The following ADCK1 variants were observed in gnomAD, a reference collection of about 807,000 sequenced individuals.
ADCK1 encodes the protein aarF domain containing kinase 1.
A neutral mutation model predicts 52.3 loss-of-function variants in ADCK1; 41 were observed. The ratio of observed to expected loss-of-function variants is 0.78; its 90% CI spans 0.61 to 1.02. The LOEUF (loss-of-function observed/expected upper bound fraction) is 1.02. ADCK1 is among the 50% of genes least tolerant of loss of function. The pLI, the probability that ADCK1 is intolerant of heterozygous loss-of-function variation, is 0.00. For missense variants in ADCK1, 658 were observed against 679.5 expected, an observed-to-expected ratio of 0.97 and a Z score of 0.35; for synonymous variants, 250 against 274.6, an observed-to-expected ratio of 0.91 and a Z score of 0.89.
chr14:77,922,708 C>G (rs535193039), intron 7 of ADCK1, among the ~76,000 whole-genome samples: 1 of 152,138 alleles, frequency 6.6e-6, no homozygotes, highest in Non-Finnish European at 1.5e-5. Flanking sequence ...AATCTTGGCT[C>G]GACCCTTTTC....
Position 77,933,598 on chromosome 14 carries a change from C to G in ADCK1, c.*207C>G, listed in dbSNP as rs959281681. ...CCACAAGCTGAACTGTGGCATAGCT[C>G]TCTCTTCTTCTCCAAGAAGACTCAG... is the stretch of plus-strand genomic sequence containing the variant. On this transcript the variant is annotated 3_prime_UTR_variant, in exon 11 of 11. Coordinates refer to ENST00000238561, the MANE Select transcript of ADCK1 (RefSeq NM_020421.4). 25 of 562,894 alleles carry G rather than the reference C, an allele frequency of 4.4e-5. No homozygotes were observed. The highest frequency in any genetic ancestry group is 6.8e-5 in the Non-Finnish European group (22 of 322,134). The allele number at this position is 562,894 out of a possible 1,614,324, so 34.9% of individuals were successfully genotyped here. A position where few individuals can be genotyped will look rare whatever the true frequency, so the allele number is the denominator to read the frequency against.
At chr14:77,844,635 CAG>C (rs1373862108) in intron 3 of ADCK1, among the ~76,000 whole-genome samples, 4 of 151,980 alleles carry the variant, frequency 2.6e-5, no homozygotes, top group African/African-American at 9.7e-5. Context: ...TTCATTGGGA[CAG>C]GGGAGAAAAT....
intron 3 of ADCK1, among the ~76,000 whole-genome samples, chr14:77,838,567 T>A (rs577432493): frequency 1.3e-5 from 2 of 152,202 alleles, no homozygotes; most frequent in African/African-American, 4.8e-5. Flanking sequence ...TGGCTAATTT[T>A]TTGTATTTGT....
chr14:77,811,547 C>T (rs897823950), intron 1 of ADCK1, among the ~76,000 whole-genome samples: 4 of 152,170 alleles, frequency 2.6e-5, no homozygotes, highest in African/African-American at 7.2e-5. Context: ...GGCTCAACGC[C>T]TGTAATCCCA....
chr14:77,898,687 C>A (rs1187000731), intron 5 of ADCK1, among the ~76,000 whole-genome samples: 1 of 152,158 alleles, frequency 6.6e-6, no homozygotes, highest in Admixed American at 6.5e-5. Context: ...AGAGCTAATG[C>A]ATGCCAGGCT....
At chr14:77,817,914 T>A (rs1317881573) in intron 1 of ADCK1, among the ~76,000 whole-genome samples, 3 of 151,206 alleles carry the variant, frequency 2.0e-5, no homozygotes, top group South Asian at 2.1e-4. Context: ...TTTTTGTTTT[T>A]TTTTTAGTAG....
chr14:77,855,012 C>T (rs1254196822), intron 3 of ADCK1, among the ~76,000 whole-genome samples: 1 of 152,220 alleles, frequency 6.6e-6, no homozygotes, highest in Non-Finnish European at 1.5e-5. Context: ...TGCCAACTAA[C>T]CAGTCCTAAT....
At chr14:77,836,234 G>A (rs185326771) in intron 3 of ADCK1, among the ~76,000 whole-genome samples, 82 of 152,282 alleles carry the variant, frequency 5.4e-4, no homozygotes, top group Non-Finnish European at 9.4e-4. Flanking sequence ...TGCCAGATGC[G>A]GGTCTCTTGG....
At position 77,925,806 on chromosome 14, in the gene ADCK1, C is replaced by G; in HGVS notation, c.1051C>G (p.Gln351Glu). The G allele has an allele frequency of 6.2e-7, 1 of 1,614,222 alleles. No individual in the cohort carries two copies. The highest frequency in any genetic ancestry group is 8.5e-7 in the Non-Finnish European group (1 of 1,180,018). The change falls in exon 9 of 11, where the codon CAG (glutamine) becomes GAG (glutamate). Residue 351 changes from glutamine to glutamate, a missense_variant. Physicochemically the swap from Gln to Glu is conservative, Grantham distance 29. Coordinates refer to ENST00000238561, the MANE Select transcript of ADCK1 (RefSeq NM_020421.4). ...CCGCCTGAATTACTGCCACCTCTGG[C>G]AGTCTCTGATCTGGACTGACATGAA... ...EFRLNYCHLWQSLIWTDMKRV... is the reference protein window; with the variant it reads ...EFRLNYCHLWESLIWTDMKRV...
intron 2 of ADCK1, among the ~76,000 whole-genome samples, chr14:77,820,805 C>T (rs970783595): frequency 1.3e-5 from 2 of 151,926 alleles, no homozygotes; most frequent in African/African-American, 4.8e-5. Context: ...GTCATCCAGG[C>T]TGGAGTGCAG....
chr14:77,822,147 T>C (rs969106747), intron 2 of ADCK1, among the ~76,000 whole-genome samples: 3 of 152,118 alleles, frequency 2.0e-5, no homozygotes, highest in Non-Finnish European at 2.9e-5. Flanking sequence ...AGGAGACAAA[T>C]GAGCAAGGTA....
At position 77,931,541 on chromosome 14, in the gene ADCK1, G is replaced by C; in HGVS notation, c.1230G>C (p.Ala410=). 1 of 1,613,714 alleles carries C rather than the reference G, an allele frequency of 6.2e-7. No individual in the cohort carries two copies. The highest frequency in any genetic ancestry group is 8.5e-7 in the Non-Finnish European group (1 of 1,179,792). Residue 410 remains alanine, a synonymous_variant, in exon 10 of 11, where the codon GCG becomes GCC. Coordinates refer to ENST00000238561, the MANE Select transcript of ADCK1 (RefSeq NM_020421.4). ...AGGACTTAGAGATTCGCAACAACGC[G>C]GCCAACTACCTCCCCCAGATCAGCC... The part of the protein sequence containing the change: ...ATEDLEIRNN[A]ANYLPQISHL...
intron 1 of ADCK1, among the ~76,000 whole-genome samples, chr14:77,810,781 T>C (rs1481890997): frequency 6.6e-6 from 1 of 152,146 alleles, no homozygotes; most frequent in African/African-American, 2.4e-5. Context: ...TTTGCCTGCC[T>C]CAGCCTCCCA....
At chr14:77,825,675 C>G (rs1024055916) in intron 3 of ADCK1, among the ~76,000 whole-genome samples, 2 of 144,912 alleles carry the variant, frequency 1.4e-5, no homozygotes, top group Non-Finnish European at 3.0e-5. Context: ...AGTTTTTGCT[C>G]TTGTCACCCA....
chr14:77,854,555 C>CTTTTTT (rs60062127), intron 3 of ADCK1, among the ~76,000 whole-genome samples: 2 of 128,588 alleles, frequency 1.6e-5, no homozygotes, highest in Non-Finnish European at 3.2e-5. Flanking sequence ...TCGGAGTGGG[C>CTTTTTT]TTTTTTTTTT....
At chr14:77,905,929 T>C (rs898764161) in intron 6 of ADCK1, among the ~76,000 whole-genome samples, 4 of 152,160 alleles carry the variant, frequency 2.6e-5, no homozygotes, top group Admixed American at 2.6e-4. Context: ...TTTCACAGAT[T>C]TCTCTATTGG....
At chr14:77,861,552 G>A (rs10141302) in intron 4 of ADCK1, among the ~76,000 whole-genome samples, 9,346 of 151,944 alleles carry the variant, frequency 0.062, 346 homozygotes, top group Middle Eastern at 0.12. Flanking sequence ...CCAGCCCTAA[G>A]ACCTTCTGCA....
At chr14:77,886,403 G>C (rs184423154) in intron 4 of ADCK1, among the ~76,000 whole-genome samples, 1 of 152,250 alleles carries the variant, frequency 6.6e-6, no homozygotes, top group Non-Finnish European at 1.5e-5. Context: ...TTGTCCATAT[G>C]TAAGAGCCTA....
chr14:77,899,359 C>T (rs2083480973), intron 6 of ADCK1, 101 bp downstream of exon 6: 3 of 1,457,298 alleles, frequency 2.1e-6, no homozygotes, highest in African/African-American at 1.4e-5. Context: ...ATAATTGGGA[C>T]ATCTTCTTCC....
Sources: gnomAD v4.1 joint callset for allele counts (sites outside exome capture counted in the v4.1 genomes callset) on GRCh38, gnomAD v4.1.1 for gene constraint, MANE v1.5 for transcripts, NCBI Gene and HGNC (gene_info 2026-07-23, HGNC 2026-07-21) for gene names.